Variants in MINAR1 observed in about 807,000 individuals in gnomAD.
MINAR1 encodes membrane integral NOTCH2 associated receptor 1.
MINAR1 carries 40 observed loss-of-function variants against 65.1 expected under a neutral mutation model. The ratio of observed to expected loss-of-function variants is 0.61; its 90% CI spans 0.48 to 0.80. The LOEUF (loss-of-function observed/expected upper bound fraction) is 0.80. MINAR1 is among the 30% of genes least tolerant of loss of function. The pLI, the probability that MINAR1 is intolerant of heterozygous loss-of-function variation, is 0.00. For synonymous variants in MINAR1, 482 were observed against 449.1 expected, an observed-to-expected ratio of 1.07 and a Z score of -0.93; for missense variants, 1,128 against 1,148.0, an observed-to-expected ratio of 0.98 and a Z score of 0.25.
chr15:79,471,702 T>TTTG lies in MINAR1; in HGVS notation c.*3330_*3332dup, dbSNP rs1191551977. ...TCAAGATAAGAGCAGTGGCATCACA[T>TTTG]TTGTTGTTGTTGTTTTTTTTTTTGA... On this transcript the variant is annotated 3_prime_UTR_variant, in exon 4 of 4. Transcript: ENST00000305428. 1.3e-5 allele frequency: 2 copies of TTTG among 151,888 alleles called. No individual in the cohort carries two copies. The highest frequency in any genetic ancestry group is 4.9e-5 in the African/African-American group (2 of 40,984). The allele number at this position is 151,888 out of a possible 1,614,324, so 9.4% of individuals were successfully genotyped here.
At chr15:79,434,033 G>A (rs1385089279) in intron 1 of MINAR1, among the ~76,000 whole-genome samples, 2 of 152,168 alleles carry the variant, frequency 1.3e-5, no homozygotes, top group African/African-American at 4.8e-5. Context: ...CAGGCTACTG[G>A]AGCCTGGAGG....
chr15:79,464,814 G>C (rs993163503), intron 3 of MINAR1, among the ~76,000 whole-genome samples: 2 of 152,078 alleles, frequency 1.3e-5, no homozygotes, highest in African/African-American at 4.8e-5. Flanking sequence ...TGATCCTTCA[G>C]GTCAATCCCT....
chr15:79,433,750 C>T (rs1894518451), intron 1 of MINAR1, among the ~76,000 whole-genome samples: 1 of 152,188 alleles, frequency 6.6e-6, no homozygotes. Context: ...ATGGCCCTTC[C>T]TTGTCATTTC....
upstream of MINAR1, among the ~76,000 whole-genome samples, chr15:79,428,878 C>G (rs1279220112): frequency 6.6e-6 from 1 of 152,150 alleles, no homozygotes; most frequent in African/African-American, 2.4e-5. Context: ...TCCCCTACCT[C>G]TATCACTAAA....
Position 79,457,105 on chromosome 15 carries a change from G to C in MINAR1, c.958G>C (p.Val320Leu). The C allele has an allele frequency of 6.2e-7, 1 of 1,613,934 alleles. No homozygotes were observed. Among genetic ancestry groups the C allele is most frequent in the Non-Finnish European group, 8.5e-7 (1 of 1,180,004 alleles). Reference protein sequence around the residue: ...SQYLNPVYSPVPDKRRAKHES... With the variant: ...SQYLNPVYSPLPDKRRAKHES... Reference sequence around the variant, plus strand: ...GTACCTGAATCCAGTGTATTCCCCGGTTCCTGACAAAAGGCGAGCAAAGCA... The same window carrying C: ...GTACCTGAATCCAGTGTATTCCCCGCTTCCTGACAAAAGGCGAGCAAAGCA... Residue 320 changes from valine (V) to leucine (L), a missense_variant, in exon 2 of 4, where the codon GTT becomes CTT. Transcript: ENST00000305428.
intron 3 of MINAR1, among the ~76,000 whole-genome samples, chr15:79,467,069 G>A (rs1895890059): frequency 6.6e-6 from 1 of 152,226 alleles, no homozygotes. Context: ...TAGGGGCACA[G>A]AGCAAGATGA....
the MINAR1 span, chr15:79,422,551 A>G: frequency 1.4e-5 from 2 of 147,790 alleles, no homozygotes; most frequent in Non-Finnish European, 1.5e-5. Context: ...TCTGTCTCCA[A>G]AAAAAAAAAA....
chr15:79,458,435 A>G lies in MINAR1; in HGVS notation c.2288A>G (p.Lys763Arg). The G allele has an allele frequency of 1.2e-6, 2 of 1,610,142 alleles. No homozygotes were observed. The highest frequency in any genetic ancestry group is 1.7e-6 in the Non-Finnish European group (2 of 1,177,706). Residue 763 changes from lysine (K) to arginine (R), a missense_variant, in exon 2 of 4, where the codon AAA (lysine) becomes AGA (arginine). By Grantham distance (26) the Lys-to-Arg change is conservative. Transcript: ENST00000305428. ...GGAGATAATAAAGACTGGCATCGGA[A>G]ATCTAAAGAGGTAATTTAAATTTAA... ...GPGDNKDWHR[K>R]SKEADRQYDI...
At chr15:79,423,792 A>G in the MINAR1 span, 1 of 152,228 alleles carries the variant, frequency 6.6e-6, no homozygotes, top group African/African-American at 2.4e-5. Context: ...TTTTTCATCC[A>G]TAAAGTGGGA....
chr15:79,453,216 G>A (rs1340061378), intron 1 of MINAR1, among the ~76,000 whole-genome samples: 5 of 152,076 alleles, frequency 3.3e-5, no homozygotes, highest in Non-Finnish European at 7.4e-5. Context: ...CATAGTAGGT[G>A]GTCAGTCCAC....
At chr15:79,424,519 A>G in the MINAR1 span, 1 of 152,240 alleles carries the variant, frequency 6.6e-6, no homozygotes, top group South Asian at 2.1e-4. Flanking sequence ...TCATGATAAA[A>G]TAACAAATAA....
the MINAR1 span, chr15:79,413,574 T>G: frequency 6.6e-6 from 1 of 152,278 alleles, no homozygotes. Flanking sequence ...AACCTTGGCC[T>G]TGTCCCAATT....
intron 2 of MINAR1, among the ~76,000 whole-genome samples, chr15:79,458,773 G>C (rs1179201971): frequency 1.3e-5 from 2 of 152,180 alleles, no homozygotes; most frequent in Non-Finnish European, 2.9e-5. Flanking sequence ...CATCACCAAG[G>C]ATATCTTCCT....
At chr15:79,441,697 A>T (rs530815912) in intron 1 of MINAR1, among the ~76,000 whole-genome samples, 1 of 152,212 alleles carries the variant, frequency 6.6e-6, no homozygotes, top group East Asian at 1.9e-4. Context: ...ATTTTCCCTC[A>T]TTCTCCCCAA....
rs750235677 is a variant in MINAR1, at chr15:79,456,465, C to T, written c.318C>T (p.Pro106=). The T allele has an allele frequency of 6.2e-7, 1 of 1,614,096 alleles. No individual in the cohort carries two copies. The highest frequency in any genetic ancestry group is 1.1e-5 in the South Asian group (1 of 91,084). The part of the protein sequence containing the change: ...MNGGAAKEKL[P]TGRQKVRKKE... ...GCGGGGCTGCCAAGGAGAAGCTGCC[C>T]ACGGGCCGCCAGAAGGTACGCAAGA... Residue 106 remains proline (P), a synonymous_variant, in exon 2 of 4, where the codon CCC becomes CCT. Transcript: ENST00000305428.
At chr15:79,465,179 TAG>T (rs1406148169) in intron 3 of MINAR1, among the ~76,000 whole-genome samples, 4 of 152,202 alleles carry the variant, frequency 2.6e-5, no homozygotes, top group South Asian at 2.1e-4. Flanking sequence ...TATGAGGAAG[TAG>T]AGAGTTCAAT....
chr15:79,413,846 T>C, the MINAR1 span: 1 of 152,230 alleles, frequency 6.6e-6, no homozygotes, highest in East Asian at 1.9e-4. Context: ...ACTGGATACA[T>C]CAGACAGTTT....
chr15:79,439,974 G>C (rs1894824536), intron 1 of MINAR1, among the ~76,000 whole-genome samples: 1 of 152,110 alleles, frequency 6.6e-6, no homozygotes, highest in African/African-American at 2.4e-5. Context: ...ATGAGGAATG[G>C]AACTCCTGTT....
rs936058971 is a variant in MINAR1, at chr15:79,469,592, T to A, written c.*1208T>A. 3 of 152,652 alleles carry A rather than the reference T, an allele frequency of 2.0e-5. No individual in the cohort carries two copies. The highest frequency in any genetic ancestry group is 2.9e-5 in the Non-Finnish European group (2 of 68,054). The allele number at this position is 152,652 out of a possible 1,614,324, so 9.5% of individuals were successfully genotyped here. A position where few individuals can be genotyped will look rare whatever the true frequency, so the allele number is the denominator to read the frequency against. On this transcript the variant is annotated 3_prime_UTR_variant, in exon 4 of 4. Transcript: ENST00000305428. ...ATCTATCTAAATACTTGATTTTTAT[T>A]TATTGTCTTCTCTGTTAAATAACTT...
Sources: gnomAD v4.1 joint callset for allele counts (sites outside exome capture counted in the v4.1 genomes callset) on GRCh38, gnomAD v4.1.1 for gene constraint, MANE v1.5 for transcripts, NCBI Gene and HGNC (gene_info 2026-07-23, HGNC 2026-07-21) for gene names.